Variants in ERC2 observed in about 807,000 individuals in gnomAD.
ERC2 encodes ELKS/RAB6-interacting/CAST family member 2.
In ERC2, 42 loss-of-function variants were observed where a neutral mutation model predicts 114.8. That is an observed-to-expected ratio of 0.37 (90% CI 0.29 to 0.47). ERC2 has a LOEUF of 0.47. Ranked by LOEUF, ERC2 falls within the 20% of genes least tolerant of loss-of-function variation. ERC2 has a pLI of 0.99. For synonymous variants in ERC2, 454 were observed against 425.5 expected, an observed-to-expected ratio of 1.07 and a Z score of -0.82; for missense variants, 939 against 1,150.7, an observed-to-expected ratio of 0.82 and a Z score of 2.66.
intron 3 of ERC2, among the ~76,000 whole-genome samples, chr3:56,213,554 A>AGGCC (rs1437997035): frequency 1.3e-5 from 2 of 152,180 alleles, no homozygotes; most frequent in Non-Finnish European, 2.9e-5. Flanking sequence ...CAGCTCAAGG[A>AGGCC]GGCCTGCCTG....
chr3:55,644,242 A>G (rs2060303053), intron 17 of ERC2, among the ~76,000 whole-genome samples: 1 of 152,224 alleles, frequency 6.6e-6, no homozygotes, highest in Admixed American at 6.5e-5. Context: ...ACTTAAAAAG[A>G]AAACAAGGGA....
chr3:56,304,842 T>C (rs1395590921), intron 2 of ERC2, among the ~76,000 whole-genome samples: 1 of 152,164 alleles, frequency 6.6e-6, no homozygotes, highest in Non-Finnish European at 1.5e-5. Flanking sequence ...TTCTTTAACT[T>C]ATAGAGTATA....
intron 2 of ERC2, among the ~76,000 whole-genome samples, chr3:56,423,898 A>G (rs2061474677): frequency 6.6e-6 from 1 of 152,222 alleles, no homozygotes; most frequent in South Asian, 2.1e-4. Context: ...CAAACCACTT[A>G]TTGAGTCCAA....
At chr3:55,667,690 C>T (rs1163523433) in intron 17 of ERC2, among the ~76,000 whole-genome samples, 1 of 152,192 alleles carries the variant, frequency 6.6e-6, no homozygotes, top group Non-Finnish European at 1.5e-5. Context: ...AGTGCCTGGC[C>T]ATACACTAAC....
chr3:55,680,606 A>AT (rs1165790843), intron 17 of ERC2, among the ~76,000 whole-genome samples: 1 of 152,192 alleles, frequency 6.6e-6, no homozygotes, highest in African/African-American at 2.4e-5. Context: ...CCAAGAGCAC[A>AT]TTTTCACAAT....
At chr3:55,588,885 G>T (rs1239446885) in intron 17 of ERC2, among the ~76,000 whole-genome samples, 1 of 152,042 alleles carries the variant, frequency 6.6e-6, no homozygotes, top group Non-Finnish European at 1.5e-5. Context: ...CGAGTGTGTG[G>T]GAACACTCGA....
At chr3:56,065,974 G>T (rs1233516661) in intron 7 of ERC2, among the ~76,000 whole-genome samples, 2 of 152,104 alleles carry the variant, frequency 1.3e-5, no homozygotes, top group African/African-American at 4.8e-5. Flanking sequence ...TTGATTCCAT[G>T]TCTTTGCTAT....
chr3:56,367,897 G>A (rs994337185), intron 2 of ERC2, among the ~76,000 whole-genome samples: 4 of 150,014 alleles, frequency 2.7e-5, no homozygotes, highest in African/African-American at 9.8e-5. Flanking sequence ...AAAAAAAGAG[G>A]TTGAGGTAGG....
intron 13 of ERC2, among the ~76,000 whole-genome samples, chr3:55,918,756 C>T (rs2065246727): frequency 6.6e-6 from 1 of 150,834 alleles, no homozygotes; most frequent in African/African-American, 2.4e-5. Context: ...CACCAACAAC[C>T]AGATATGTAA....
At chr3:56,213,039 G>A (rs2049178507) in intron 3 of ERC2, among the ~76,000 whole-genome samples, 2 of 152,172 alleles carry the variant, frequency 1.3e-5, no homozygotes, top group Admixed American at 6.5e-5. Context: ...AAGGGTGGGA[G>A]GGATGTGAAG....
intron 2 of ERC2, among the ~76,000 whole-genome samples, chr3:56,392,215 G>A (rs541928380): frequency 2.6e-4 from 39 of 152,284 alleles, no homozygotes; most frequent in African/African-American, 8.4e-4. Context: ...GTGTTTGTAC[G>A]TGAATGCTCA....
At chr3:56,032,909 A>AAGAGAGAGAGAGAGAC (rs1323400810) in intron 7 of ERC2, among the ~76,000 whole-genome samples, 6 of 56,916 alleles carry the variant, frequency 1.1e-4, no homozygotes, top group Admixed American at 2.4e-4. Context: ...GACAGAAAGA[A>AAGAGAGAGAGAGAGAC]AGAAAGAAAG....
chr3:55,928,873 C>A (rs1477872699), intron 13 of ERC2, among the ~76,000 whole-genome samples: 1 of 152,138 alleles, frequency 6.6e-6, no homozygotes, highest in Admixed American at 6.5e-5. Context: ...CTGTCCTTTC[C>A]CCAATGTATC....
chr3:56,118,686 G>T (rs1193379983), intron 6 of ERC2, among the ~76,000 whole-genome samples: 2 of 147,736 alleles, frequency 1.4e-5, no homozygotes, highest in African/African-American at 5.1e-5. Context: ...GCCCAGGCTG[G>T]AGTGCAGTGG....
intron 1 of ERC2, among the ~76,000 whole-genome samples, chr3:56,462,007 A>G (rs1258200380): frequency 2.0e-5 from 3 of 152,216 alleles, no homozygotes; most frequent in Non-Finnish European, 4.4e-5. Flanking sequence ...AAATAAGTCC[A>G]TGGACAGAAT....
intron 14 of ERC2, among the ~76,000 whole-genome samples, chr3:55,855,282 C>G (rs2149250767): frequency 6.6e-6 from 1 of 152,258 alleles, no homozygotes; most frequent in South Asian, 2.1e-4. Flanking sequence ...ATGTACACAC[C>G]TATAACACAC....
chr3:55,608,940 C>T (rs914993735), intron 17 of ERC2, among the ~76,000 whole-genome samples: 2 of 151,178 alleles, frequency 1.3e-5, no homozygotes, highest in Non-Finnish European at 3.0e-5. Flanking sequence ...ACTTTAGAAG[C>T]TAAACTGAAT....
At chr3:55,679,141 G>A (rs938946055) in intron 17 of ERC2, among the ~76,000 whole-genome samples, 9 of 152,044 alleles carry the variant, frequency 5.9e-5, no homozygotes, top group South Asian at 4.1e-4. Flanking sequence ...TCTCTACCTC[G>A]CCATAAAAGG....
rs146913397 is a variant in ERC2 at position 55,524,073 on chromosome 3, G to T, written c.*40-12797C>A. ...AAGATAGTAACTCTAACCTCTCCAG[G>T]TGGTTGAGAACATAAAACAAAATGA... On this transcript the variant is annotated intron_variant, in intron 17 of 17. Transcript: ENST00000288221. Among the ~76,000 whole-genome samples, 22 of 152,242 alleles carry T rather than the reference G, an allele frequency of 1.4e-4. No individual in the cohort carries two copies. The East Asian group carries it at 3.9e-3, about 27-fold the overall frequency.
Sources: allele counts gnomAD v4.1 joint callset (sites outside exome capture counted in the v4.1 genomes callset), GRCh38; gene constraint gnomAD v4.1.1; transcripts MANE v1.5; gene names NCBI Gene and HGNC (gene_info 2026-07-23, HGNC 2026-07-21).